Variants in PYHIN1 observed in about 807,000 individuals in gnomAD.
The protein encoded by PYHIN1 is pyrin and HIN domain family member 1.
In PYHIN1, 32 loss-of-function variants were observed where a neutral mutation model predicts 43.7. The ratio of observed to expected loss-of-function variants is 0.73; its 90% confidence interval spans 0.55 to 0.98. PYHIN1 has a LOEUF of 0.98. PYHIN1 is among the 50% of genes least tolerant of loss of function. The probability of loss-of-function intolerance (pLI) is 0.00; values close to 1 mark genes in which losing one functional copy is unlikely to be tolerated. For synonymous variants in PYHIN1, 205 were observed against 203.1 expected (o/e 1.01, Z -0.08); for missense variants, 588 against 589.5 (o/e 1.00, Z 0.03).
Position 158,955,246 on chromosome 1 carries a change from C to A in PYHIN1, c.1359+10204C>A, listed in dbSNP as rs1449851356. Among the ~76,000 whole-genome samples, 6 of 152,008 alleles carry A rather than the reference C, an allele frequency of 3.9e-5. No homozygotes were observed. The East Asian group carries it at 7.8e-4, about 20-fold the overall frequency. On this transcript the variant is annotated intron_variant, in intron 7 of 8. Coordinates refer to ENST00000368140, the MANE Select transcript of PYHIN1 (RefSeq NM_152501.5). ...GGAATTGAACTCAGCTCTGCACCAA[C>A]CGGACCTAACAGACATCTACAGAAC...
rs562889314 is a variant in PYHIN1, at chr1:158,942,033, A to T, written c.636A>T (p.Glu212Asp). ...CTGCCAGTAAAAATATTTTCCGAGAAGACCCAATAATCGCGATGGTACTAA... is the reference window on the plus strand; with the variant it reads ...CTGCCAGTAAAAATATTTTCCGAGATGACCCAATAATCGCGATGGTACTAA... Reference protein sequence around the residue: ...HATASKNIFREDPIIAMVLNA... With the variant: ...HATASKNIFRDDPIIAMVLNA... Residue 212 changes from glutamate to aspartate, a missense_variant, in exon 5 of 9, where the codon GAA becomes GAT. Coordinates refer to ENST00000368140, the MANE Select transcript of PYHIN1 (RefSeq NM_152501.5). The T allele has an allele frequency of 1.2e-6, 2 of 1,612,746 alleles. No homozygotes were observed. The highest frequency in any genetic ancestry group is 4.5e-5 in the East Asian group (2 of 44,882).
intron 8 of PYHIN1, among the ~76,000 whole-genome samples, chr1:158,976,375 CA>C (rs1393881738): frequency 6.6e-6 from 1 of 152,010 alleles, no homozygotes; most frequent in Non-Finnish European, 1.5e-5. Flanking sequence ...CCTTTCTGCC[CA>C]ATGAGAAGTT....
intron 7 of PYHIN1, among the ~76,000 whole-genome samples, chr1:158,965,365 A>G (rs1399156086): frequency 2.0e-5 from 3 of 152,176 alleles, no homozygotes; most frequent in African/African-American, 7.2e-5. Context: ...AAAGATATTC[A>G]GGAACTGCAC....
In PYHIN1 at chr1:158,937,100, AAACT is replaced by A. The variant is rs1557822503; in HGVS notation, c.193_196del (p.Leu65Ter). On this transcript the variant is annotated frameshift_variant, in exon 2 of 9. Transcript: ENST00000368140. LOFTEE classifies it high-confidence loss of function. The stretch of plus-strand genomic sequence containing the variant: ...GTTCCCAGGTGATGCCGGTTTGGGC[AAACT>A]AATAGAATTCTTCAAAGAAATACCA... 6.2e-7 allele frequency: 1 copy of A among 1,613,484 alleles called. No individual in the cohort carries two copies. Among genetic ancestry groups the A allele is most frequent in the East Asian group, 2.2e-5 (1 of 44,878 alleles).
chr1:158,942,673 G>C (rs965350582), intron 5 of PYHIN1, among the ~76,000 whole-genome samples: 3 of 152,110 alleles, frequency 2.0e-5, no homozygotes, highest in African/African-American at 7.2e-5. Flanking sequence ...TATCTATTAT[G>C]AGTCATAACG....
At chr1:158,974,319 C>A (rs1023885573) in intron 8 of PYHIN1, among the ~76,000 whole-genome samples, 2 of 151,974 alleles carry the variant, frequency 1.3e-5, no homozygotes, top group Non-Finnish European at 2.9e-5. Context: ...CACATCATGC[C>A]AAGGTGTCCT....
chr1:158,956,440 T>G (rs1365422004), intron 7 of PYHIN1, among the ~76,000 whole-genome samples: 1 of 151,992 alleles, frequency 6.6e-6, no homozygotes, highest in African/African-American at 2.4e-5. Flanking sequence ...GATGCAAGGC[T>G]GGTTCAATAT....
intron 7 of PYHIN1, among the ~76,000 whole-genome samples, chr1:158,968,912 G>A (rs185991475): frequency 6.6e-6 from 1 of 151,858 alleles, no homozygotes; most frequent in East Asian, 1.9e-4. Flanking sequence ...AGGATGGGAA[G>A]AGGGAGAGGA....
chr1:158,931,851 T>C (rs1321584801), intron 1 of PYHIN1, 75 bp downstream of exon 1: 1 of 152,026 alleles, frequency 6.6e-6, no homozygotes, highest in East Asian at 1.9e-4. Flanking sequence ...AAGGGAAAAA[T>C]CGATATTGGT....
intron 8 of PYHIN1, among the ~76,000 whole-genome samples, chr1:158,974,836 C>T (rs1316843231): frequency 2.6e-5 from 4 of 151,986 alleles, no homozygotes; most frequent in South Asian, 4.1e-4. Flanking sequence ...ATGGATGGAA[C>T]GCATATGTAG....
intron 7 of PYHIN1, among the ~76,000 whole-genome samples, chr1:158,962,072 T>C (rs1357855649): frequency 1.3e-5 from 2 of 152,330 alleles, no homozygotes; most frequent in East Asian, 1.9e-4. Flanking sequence ...ATTTTTGCTG[T>C]TTCACAGCCA....
intron 8 of PYHIN1, among the ~76,000 whole-genome samples, chr1:158,974,694 G>A (rs1003768213): frequency 2.6e-5 from 4 of 152,024 alleles, no homozygotes; most frequent in East Asian, 1.9e-4. Flanking sequence ...ATTTGTGGTC[G>A]TTTTTTGGTT....
intron 1 of PYHIN1, among the ~76,000 whole-genome samples, chr1:158,934,949 T>G (rs1389402053): frequency 6.6e-6 from 1 of 152,132 alleles, no homozygotes; most frequent in Non-Finnish European, 1.5e-5. Flanking sequence ...AGGCTGGTCT[T>G]GAACCCTTGA....
At chr1:158,988,400 A>C in the PYHIN1 span, among the ~76,000 whole-genome samples, 4 of 152,208 alleles carry the variant, frequency 2.6e-5, no homozygotes, top group African/African-American at 9.6e-5. Context: ...ATGAACATTA[A>C]AGGAGGTTCT....
intron 7 of PYHIN1, among the ~76,000 whole-genome samples, chr1:158,945,728 G>A (rs537421744): frequency 6.6e-6 from 1 of 152,256 alleles, no homozygotes; most frequent in South Asian, 2.1e-4. Context: ...GGTCAGTGTA[G>A]CACATGATAT....
intron 7 of PYHIN1, among the ~76,000 whole-genome samples, chr1:158,958,877 G>A (rs1044501730): frequency 2.7e-5 from 4 of 150,584 alleles, no homozygotes; most frequent in African/African-American, 4.9e-5. Flanking sequence ...GGTAACAACA[G>A]TTTGCATTAG....
downstream of PYHIN1, chr1:158,977,167 T>G (rs1019971630): frequency 7.9e-5 from 12 of 152,522 alleles, no homozygotes; most frequent in African/African-American, 2.9e-4. Flanking sequence ...ATGGGATCTT[T>G]AAGGAATAGG....
At chr1:158,971,488 A>G (rs1456159376) in intron 7 of PYHIN1, among the ~76,000 whole-genome samples, 1 of 151,826 alleles carries the variant, frequency 6.6e-6, no homozygotes, top group Non-Finnish European at 1.5e-5. Flanking sequence ...AACGGTTGTG[A>G]TTGCTGTTGG....
At chr1:158,979,827 A>C (rs1451253750), downstream of PYHIN1, among the ~76,000 whole-genome samples, 1 of 152,120 alleles carries the variant, frequency 6.6e-6, no homozygotes, top group Non-Finnish European at 1.5e-5. Context: ...TGATTTTGTC[A>C]CCTAGGTAGT....
Sources: gnomAD v4.1 joint callset for allele counts (sites outside exome capture counted in the v4.1 genomes callset) on GRCh38, gnomAD v4.1.1 for gene constraint, MANE v1.5 for transcripts, NCBI Gene and HGNC (gene_info 2026-07-23, HGNC 2026-07-21) for gene names.